Variants in ZDHHC1 observed in about 807,000 individuals in gnomAD.
ZDHHC1 encodes the protein zDHHC palmitoyltransferase 1, also known as palmitoyltransferase ZDHHC1.
A neutral mutation model predicts 46.9 loss-of-function variants in ZDHHC1; 45 were observed. That is an observed-to-expected ratio of 0.96 (90% CI 0.76 to 1.23). The LOEUF (loss-of-function observed/expected upper bound fraction) is 1.23, where lower values mean the gene tolerates loss of function less well. Among genes scored for constraint, ZDHHC1 ranks in the 50% most tolerant of loss-of-function variants. The pLI is 0.00. For missense variants in ZDHHC1, 649 were observed against 670.8 expected (o/e 0.97, Z 0.36); for synonymous variants, 291 against 286.0 (o/e 1.02, Z -0.18).
chr16:67,405,411 G>A (rs965874557), intron 3 of ZDHHC1, among the ~76,000 whole-genome samples: 4 of 152,174 alleles, frequency 2.6e-5, no homozygotes, highest in Admixed American at 6.5e-5. Flanking sequence ...AGGCTCTTAG[G>A]CTTATCGCCG....
chr16:67,409,521 CCACTCTT>C (rs2040717269), intron 1 of ZDHHC1, among the ~76,000 whole-genome samples: 1 of 152,200 alleles, frequency 6.6e-6, no homozygotes. Flanking sequence ...CCAGGCCAGC[CCACTCTT>C]CACTGACGAC....
intron 1 of ZDHHC1, among the ~76,000 whole-genome samples, chr16:67,413,970 C>T (rs1358298244): frequency 2.0e-5 from 3 of 149,376 alleles, no homozygotes; most frequent in Non-Finnish European, 4.4e-5. Context: ...AAGTCTGATG[C>T]TATGGCAAGA....
chr16:67,413,721 C>T (rs1436449935), intron 1 of ZDHHC1, among the ~76,000 whole-genome samples: 2 of 152,030 alleles, frequency 1.3e-5, no homozygotes, highest in African/African-American at 2.4e-5. Context: ...GGGCAGATCA[C>T]CTGAGGTCAG....
intron 8 of ZDHHC1, among the ~76,000 whole-genome samples, chr16:67,397,089 C>G (rs2040448345): frequency 6.6e-6 from 1 of 152,226 alleles, no homozygotes; most frequent in South Asian, 2.1e-4. Context: ...TAAAAGAGGA[C>G]AAGAACACCA....
chr16:67,408,797 TG>T (rs1484949737), intron 1 of ZDHHC1, among the ~76,000 whole-genome samples: 1 of 152,190 alleles, frequency 6.6e-6, no homozygotes, highest in African/African-American at 2.4e-5. Flanking sequence ...CACTTTCTTT[TG>T]CATGTCCCCA....
intron 1 of ZDHHC1, among the ~76,000 whole-genome samples, chr16:67,415,014 G>A (rs201400705): frequency 6.6e-6 from 1 of 152,202 alleles, no homozygotes; most frequent in African/African-American, 2.4e-5. Flanking sequence ...GCAGGCGCCT[G>A]TAATCCCAGA....
In ZDHHC1 at chr16:67,399,413, A is replaced by T. The variant is rs1436326749; in HGVS notation, c.472T>A (p.Cys158Ser). The T allele has an allele frequency of 1.2e-6, 2 of 1,613,226 alleles. No individual in the cohort carries two copies. The highest frequency in any genetic ancestry group is 1.7e-6 in the Non-Finnish European group (2 of 1,179,854). The change falls in exon 5 of 12, where the codon TGC becomes AGC. Residue 158 changes from cysteine to serine, a missense_variant. Coordinates refer to ENST00000565726, the MANE Select transcript of ZDHHC1 (RefSeq NM_001323627.2). ...KHCSACNKCV[C>S]GFDHHCKWLN... is the part of the protein sequence containing the mutation. ...CACTTGCAGTGGTGGTCGAAACCGCACACGCACTTGTTGCAGGCGCTGCAG... is the reference window on the plus strand; with the variant it reads ...CACTTGCAGTGGTGGTCGAAACCGCTCACGCACTTGTTGCAGGCGCTGCAG...
intron 1 of ZDHHC1, among the ~76,000 whole-genome samples, chr16:67,411,435 G>A (rs2040746778): frequency 6.6e-6 from 1 of 152,208 alleles, no homozygotes; most frequent in African/African-American, 2.4e-5. Context: ...GCCACTCACA[G>A]ACTGAGGAAC....
At chr16:67,398,537 C>T in intron 7 of ZDHHC1, 36 bp downstream of exon 7, 3 of 1,566,114 alleles carry the variant, frequency 1.9e-6, no homozygotes, top group Admixed American at 1.9e-5. Context: ...TCTGAGGACC[C>T]CTGCGTTCCA....
At position 67,395,172 on chromosome 16, in the gene ZDHHC1, C is replaced by T; in HGVS notation, c.1104+15G>A. On this transcript the variant is annotated intron_variant, in intron 10 of 11. Coordinates refer to ENST00000565726, the MANE Select transcript of ZDHHC1 (RefSeq NM_001323627.2). The stretch of plus-strand genomic sequence containing the variant: ...CACTCCACCTGGACCGGAGGCCCAG[C>T]ACAGTCCCTCCTACCTGGGGTCGGA... The T allele has an allele frequency of 6.2e-7, 1 of 1,612,928 alleles. No individual in the cohort carries two copies. Among genetic ancestry groups the T allele is most frequent in the Non-Finnish European group, 8.5e-7 (1 of 1,179,940 alleles).
chr16:67,405,103 AAGAAGCCCCC>A (rs774485472), intron 3 of ZDHHC1, among the ~76,000 whole-genome samples: 10 of 152,330 alleles, frequency 6.6e-5, no homozygotes, highest in Non-Finnish European at 1.3e-4. Context: ...TCTAGTGAAC[AAGAAGCCCCC>A]AGATGGCACT....
intron 1 of ZDHHC1, among the ~76,000 whole-genome samples, chr16:67,415,338 A>T (rs2040816419): frequency 6.6e-6 from 1 of 151,640 alleles, no homozygotes. Flanking sequence ...GGGTATCTGT[A>T]GTCTCAGCTA....
chr16:67,406,067 G>A lies in ZDHHC1; in HGVS notation c.252+133C>T. On this transcript the variant is annotated intron_variant, in intron 3 of 11. Transcript: ENST00000565726. This position sits in a 1 kb window ranked among gnomAD's most constrained non-coding sequence, Gnocchi z 4.1. ...AGGCTGGGAAGCAGCAAGTCCCCAG[G>A]ACTGGGCCCACCCTGCTCCACTCTC... 1 of 1,358,504 alleles carries A rather than the reference G, an allele frequency of 7.4e-7. No homozygotes were observed. Among genetic ancestry groups the A allele is most frequent in the East Asian group, 2.7e-5 (1 of 37,456 alleles). 84.2% of individuals were successfully genotyped at this position (1,358,504 alleles called of 1,614,324 possible).
At chr16:67,400,895 C>T (rs1188529892) in intron 4 of ZDHHC1, 62 bp downstream of exon 4, 9 of 1,567,344 alleles carry the variant, frequency 5.7e-6, no homozygotes, top group Non-Finnish European at 7.8e-6. Flanking sequence ...AGCCCTGGCA[C>T]CCCCTCTCCA....
chr16:67,404,762 G>A (rs2040622337), intron 3 of ZDHHC1: 1 of 454,812 alleles, frequency 2.2e-6, no homozygotes, highest in Non-Finnish European at 4.4e-6. Flanking sequence ...TTACAATGAG[G>A]ACCAAATGAG....
chr16:67,411,316 G>T (rs1165893562), intron 1 of ZDHHC1, among the ~76,000 whole-genome samples: 1 of 152,146 alleles, frequency 6.6e-6, no homozygotes, highest in Non-Finnish European at 1.5e-5. Context: ...GAAAGCGACG[G>T]GGTTGAAGCA....
chr16:67,409,252 C>T (rs1339322347), intron 1 of ZDHHC1, among the ~76,000 whole-genome samples: 3 of 151,996 alleles, frequency 2.0e-5, no homozygotes, highest in Admixed American at 2.0e-4. Context: ...TCAGGATACC[C>T]GCTGATACTC....
At position 67,398,238 on chromosome 16, in the gene ZDHHC1, A is replaced by G; in HGVS notation, c.901T>C (p.Cys301Arg). The G allele has an allele frequency of 6.2e-7, 1 of 1,613,864 alleles. No homozygotes were observed. The highest frequency in any genetic ancestry group is 8.5e-7 in the Non-Finnish European group (1 of 1,179,916). Residue 301 changes from cysteine (C) to arginine (R), a missense_variant, in exon 8 of 12, where the codon TGT becomes CGT. Cys to Arg is a radical substitution (Grantham distance 180). Transcript: ENST00000565726. The stretch of plus-strand genomic sequence containing the variant: ...TGAATGGGCCGCATCTTGGGAGGAC[A>G]TGACTCGAGCTCCCTGTGAACCCCC... ...AKGVHRELES[C>R]PPKMRPIQEM...
Position 67,395,517 on chromosome 16 carries a change from G to T in ZDHHC1, c.977C>A (p.Pro326His), listed in dbSNP as rs1328424477. 9 of 1,555,038 alleles carry T rather than the reference G, an allele frequency of 5.8e-6. No homozygotes were observed. Among genetic ancestry groups the T allele is most frequent in the East Asian group, 2.4e-5 (1 of 41,610 alleles). ...CACTGCTGCTGGCCCGGCCTGGCCA[G>T]GGGGCTCTGGGCGCATATGTCTGAA... ...RTFRHMRPEP[P>H]GQAGPAAVNA... The change falls in exon 9 of 12, where the codon CCT (proline) becomes CAT (histidine). Residue 326 changes from proline to histidine, a missense_variant. Transcript: ENST00000565726.
Sources: gnomAD v4.1 joint callset for allele counts (sites outside exome capture counted in the v4.1 genomes callset) on GRCh38, gnomAD v4.1.1 for gene constraint, Gnocchi (gnomAD v3.1) non-coding constraint, MANE v1.5 for transcripts, NCBI Gene and HGNC (gene_info 2026-07-23, HGNC 2026-07-21) for gene names.